Variants in ACCSL observed in about 807,000 individuals in gnomAD.
ACCSL encodes probable inactive 1-aminocyclopropane-1-carboxylate synthase-like protein 2.
In ACCSL, 55 loss-of-function variants were observed where a neutral mutation model predicts 61.7. The observed-to-expected ratio is 0.89, with a 90% CI of 0.72 to 1.12. ACCSL has a LOEUF of 1.12. ACCSL is among the 50% of genes most tolerant of loss of function. The pLI, the probability that ACCSL is intolerant of heterozygous loss-of-function variation, is 0.00. For missense variants in ACCSL, 632 were observed against 698.0 expected (o/e 0.91, Z 1.07); for synonymous variants, 258 against 264.3 (o/e 0.98, Z 0.23).
the ACCSL span, among the ~76,000 whole-genome samples, chr11:44,001,548 T>G: frequency 2.6e-5 from 4 of 152,226 alleles, no homozygotes; most frequent in South Asian, 6.2e-4. Flanking sequence ...CCTCTGCAGC[T>G]GGCTTGTCGG....
the ACCSL span, chr11:43,942,650 AGCG>A: frequency 4.0e-6 from 1 of 249,050 alleles, no homozygotes; most frequent in Non-Finnish European, 8.0e-6. Flanking sequence ...CGGCGACAGC[AGCG>A]GCGGCGAGCG....
chr11:43,982,242 T>TC, the ACCSL span, among the ~76,000 whole-genome samples: 1 of 147,486 alleles, frequency 6.8e-6, no homozygotes, highest in Non-Finnish European at 1.5e-5. Context: ...TTTTTTTTTT[T>TC]TTTTTTTGAG....
chr11:43,943,830 G>A, the ACCSL span: 8 of 1,298,604 alleles, frequency 6.2e-6, no homozygotes, highest in Non-Finnish European at 8.1e-6. This position sits in a 1 kb window ranked among gnomAD's most constrained non-coding sequence, Gnocchi z 4.8. Flanking sequence ...ACCTGGATAT[G>A]TCTGTGAGGC....
the ACCSL span, among the ~76,000 whole-genome samples, chr11:43,998,595 G>C: frequency 6.6e-6 from 1 of 152,172 alleles, no homozygotes; most frequent in African/African-American, 2.4e-5. Context: ...GGTTCAGTGG[G>C]TTTGGCAAAG....
chr11:43,939,064 T>G, the ACCSL span, among the ~76,000 whole-genome samples: 148,802 of 152,276 alleles, frequency 0.98, 72,790 homozygotes, highest in East Asian at 1. Flanking sequence ...TGTGTATCTC[T>G]TCTTGCAAAC....
chr11:44,050,725 C>T, intron 3 of ACCSL, 103 bp downstream of exon 3: 2 of 1,025,694 alleles, frequency 1.9e-6, no homozygotes, highest in Admixed American at 2.1e-5. Context: ...ACCTCCCTAT[C>T]TCTTTGGGTA....
chr11:44,058,686 C>T lies in ACCSL; in HGVS notation c.1611C>T (p.Pro537=). The part of the protein sequence containing the change: ...WFCLIFADEL[P]RLKLAMRRFC... ...GCCTCATCTTTGCAGATGAGCTCCC[C>T]CGGCTAAAATTGGGTGAGTGGAGCT... Residue 537 remains proline, a synonymous_variant, in exon 13 of 14, where the codon CCC becomes CCT. Transcript: ENST00000378832. 6.2e-7 allele frequency: 1 copy of T among 1,610,854 alleles called. No homozygotes were observed. The highest frequency in any genetic ancestry group is 8.5e-7 in the Non-Finnish European group (1 of 1,177,818).
chr11:43,953,668 G>T, the ACCSL span, among the ~76,000 whole-genome samples: 1 of 151,962 alleles, frequency 6.6e-6, no homozygotes, highest in Non-Finnish European at 1.5e-5. Flanking sequence ...ACTCCCCTCA[G>T]CGCCACAACA....
chr11:44,004,092 G>A, the ACCSL span, among the ~76,000 whole-genome samples: 1 of 152,030 alleles, frequency 6.6e-6, no homozygotes, highest in African/African-American at 2.4e-5. Flanking sequence ...GCAACCTGCA[G>A]CCTCTTGTTC....
At chr11:43,974,481 C>T in the ACCSL span, among the ~76,000 whole-genome samples, 7 of 152,196 alleles carry the variant, frequency 4.6e-5, no homozygotes, top group Admixed American at 6.5e-5. Context: ...AGACCTTTAA[C>T]TTAATTATAT....
At chr11:44,000,630 T>A in the ACCSL span, among the ~76,000 whole-genome samples, 1 of 139,826 alleles carries the variant, frequency 7.2e-6, no homozygotes, top group Non-Finnish European at 1.5e-5. Context: ...CCTGTCTCTA[T>A]TAAAAAAAAA....
the ACCSL span, among the ~76,000 whole-genome samples, chr11:44,023,045 T>C: frequency 3.1e-4 from 37 of 119,436 alleles, no homozygotes; most frequent in African/African-American, 8.9e-4. Flanking sequence ...CTTCTTCTTT[T>C]TTTTTTTTTT....
chr11:43,959,343 C>T, the ACCSL span, among the ~76,000 whole-genome samples: 1 of 152,196 alleles, frequency 6.6e-6, no homozygotes, highest in South Asian at 2.1e-4. Context: ...TAGAGATCCT[C>T]ATGACATTGA....
At chr11:44,046,735 G>A (rs1451189122), upstream of ACCSL, among the ~76,000 whole-genome samples, 2 of 152,092 alleles carry the variant, frequency 1.3e-5, no homozygotes, top group Non-Finnish European at 2.9e-5. Flanking sequence ...GGTGGAATGG[G>A]CATAGGTCTA....
chr11:43,975,698 G>A, the ACCSL span, among the ~76,000 whole-genome samples: 1 of 152,092 alleles, frequency 6.6e-6, no homozygotes, highest in East Asian at 1.9e-4. Flanking sequence ...ACCTTGATCT[G>A]AAAAGGACAG....
chr11:44,025,548 T>G, the ACCSL span, among the ~76,000 whole-genome samples: 2 of 152,310 alleles, frequency 1.3e-5, no homozygotes, highest in African/African-American at 4.8e-5. Context: ...ATTATTGAAT[T>G]ATACCATTAT....
chr11:43,987,192 C>T, the ACCSL span, among the ~76,000 whole-genome samples: 4 of 152,322 alleles, frequency 2.6e-5, no homozygotes, highest in South Asian at 4.1e-4. Context: ...TCCTTCCATC[C>T]ATCCATTTAT....
At chr11:44,033,697 G>A in the ACCSL span, among the ~76,000 whole-genome samples, 1 of 152,162 alleles carries the variant, frequency 6.6e-6, no homozygotes, top group Non-Finnish European at 1.5e-5. Context: ...CAAGTCCTGG[G>A]CAGGGGGAGA....
At position 44,059,762 on chromosome 11, in the gene ACCSL, G is replaced by A; in HGVS notation, c.1625-76G>A. 4 of 1,236,622 alleles carry A rather than the reference G, an allele frequency of 3.2e-6. No individual in the cohort carries two copies. In the South Asian group the frequency reaches 4.2e-5, roughly 13 times the overall value. The allele number at this position is 1,236,622 out of a possible 1,614,324, so 76.6% of individuals were successfully genotyped here. On this transcript the variant is annotated intron_variant, in intron 13 of 13. Transcript: ENST00000378832. The stretch of plus-strand genomic sequence containing the variant: ...ATGAGAGGCTTTTATGGTTGACCAT[G>A]ACCTGGGTATGTCTGGGACCCACCA...
Sources: allele counts gnomAD v4.1 joint callset (sites outside exome capture counted in the v4.1 genomes callset), GRCh38; gene constraint gnomAD v4.1.1; non-coding constraint Gnocchi (gnomAD v3.1); transcripts MANE v1.5; gene names NCBI Gene and HGNC (gene_info 2026-07-23, HGNC 2026-07-21).